Variants in TULP1 observed in about 807,000 individuals in gnomAD.
TULP1 encodes the protein TUB like protein 1.
A neutral mutation model predicts 67.1 loss-of-function variants in TULP1; 50 were observed. The observed-to-expected ratio is 0.75, with a 90% confidence interval of 0.59 to 0.94. The LOEUF (loss-of-function observed/expected upper bound fraction) is 0.94, where lower values mean the gene tolerates loss of function less well. Ranked by LOEUF, TULP1 falls within the 40% of genes least tolerant of loss-of-function variation. The pLI, the probability that TULP1 is intolerant of heterozygous loss-of-function variation, is 0.00. For missense variants in TULP1, 746 were observed against 734.1 expected, an observed-to-expected ratio of 1.02 and a Z score of -0.19; for synonymous variants, 297 against 294.0, an observed-to-expected ratio of 1.01 and a Z score of -0.11.
chr6:35,504,000 C>T lies in TULP1; in HGVS notation c.1113-152G>A. On this transcript the variant is annotated intron_variant, in intron 11 of 14. Coordinates refer to ENST00000229771, the MANE Select transcript of TULP1 (RefSeq NM_003322.6). This position sits in a 1 kb window ranked among gnomAD's most constrained non-coding sequence, Gnocchi z 4.0. The stretch of plus-strand genomic sequence containing the variant: ...TTCATGTCCCCTGCCCCAGGCTTCC[C>T]CCTATGCAGAGGTCTTTTTAAATGC... 1 of 622,828 alleles carries T rather than the reference C, an allele frequency of 1.6e-6. No individual in the cohort carries two copies. Among genetic ancestry groups the T allele is most frequent in the Admixed American group, 2.7e-5 (1 of 37,190 alleles). 38.6% of individuals were successfully genotyped at this position (622,828 alleles called of 1,614,324 possible). A position where few individuals can be genotyped will look rare whatever the true frequency, so the allele number is the denominator to read the frequency against.
At chr6:35,507,001 A>G (rs1220403130) in intron 8 of TULP1, among the ~76,000 whole-genome samples, 2 of 152,068 alleles carry the variant, frequency 1.3e-5, no homozygotes, top group African/African-American at 4.8e-5. Flanking sequence ...GCACCCAGTG[A>G]TCCTTGTCTC....
chr6:35,511,056 C>T (rs776209748), intron 4 of TULP1, 46 bp from the exon 5 acceptor site: 1 of 1,598,622 alleles, frequency 6.3e-7, no homozygotes, highest in Admixed American at 1.7e-5. Context: ...CCGGGCCCTC[C>T]TTATCTGGGG....
chr6:35,510,682 T>G, intron 5 of TULP1, 179 bp downstream of exon 5: 2 of 1,400,738 alleles, frequency 1.4e-6, no homozygotes, highest in Non-Finnish European at 9.6e-7. Context: ...TGGAGGCATA[T>G]ATTGGTCTAT....
chr6:35,500,188 A>G, intron 13 of TULP1, 36 bp from the exon 14 acceptor site: 1 of 1,611,604 alleles, frequency 6.2e-7, no homozygotes, highest in Non-Finnish European at 8.5e-7. Context: ...GGGAGAGGAC[A>G]GTTAGAGATG....
chr6:35,502,655 C>T (rs780207187), intron 13 of TULP1, among the ~76,000 whole-genome samples: 4 of 151,342 alleles, frequency 2.6e-5, no homozygotes, highest in East Asian at 1.9e-4. Context: ...CCCACTGCCA[C>T]GCCCGGCTAA....
At position 35,498,667 on chromosome 6, in the gene TULP1, G is replaced by T. The variant is rs1337519378; in HGVS notation, c.1496-207C>A. Among the ~76,000 whole-genome samples, 3 of 152,188 alleles carry T rather than the reference G, an allele frequency of 2.0e-5. No homozygotes were observed. The highest frequency in any genetic ancestry group is 6.5e-5 in the Admixed American group (1 of 15,290). ...CTTTGCAGTCACACTATAATCTCCT[G>T]GGGGCAGGGACCTTGCCTTTCTGCT... On this transcript the variant is annotated intron_variant, in intron 14 of 14. Coordinates refer to ENST00000229771, the MANE Select transcript of TULP1 (RefSeq NM_003322.6). This position sits in a 1 kb window ranked among gnomAD's most constrained non-coding sequence, Gnocchi z 6.7.
chr6:35,497,997 G>A lies in TULP1; in HGVS notation c.*330C>T. 2.1e-6 allele frequency: 1 copy of A among 481,662 alleles called. No individual in the cohort carries two copies. The highest frequency in any genetic ancestry group is 1.9e-5 in the African/African-American group (1 of 51,484). 29.8% of individuals were successfully genotyped at this position (481,662 alleles called of 1,614,324 possible). On this transcript the variant is annotated 3_prime_UTR_variant, in exon 15 of 15. Coordinates refer to ENST00000229771, the MANE Select transcript of TULP1 (RefSeq NM_003322.6). ...TAGCGCGGTCCCGGGGAGAGGGGAG[G>A]TTAAAACAACAATGACTACTGCTCC...
chr6:35,509,078 C>T (rs1180992647), intron 8 of TULP1, 131 bp downstream of exon 8: 12 of 824,718 alleles, frequency 1.5e-5, no homozygotes, highest in Non-Finnish European at 2.3e-5. Flanking sequence ...TCCTTATATC[C>T]TGTCACAAGA....
rs1768765950 is a variant in TULP1 at position 35,498,827 on chromosome 6, G to A, written c.1496-367C>T. ...AGTCTTTCCTCCTATCCCCAGCCAC[G>A]AAGTCCCACCTTAGACCCCAGCTCC... is the stretch of plus-strand genomic sequence containing the variant. On this transcript the variant is annotated intron_variant, in intron 14 of 14. Transcript: ENST00000229771. This position sits in a 1 kb window ranked among gnomAD's most constrained non-coding sequence, Gnocchi z 6.7. Among the ~76,000 whole-genome samples, 1 of 151,954 alleles carries A rather than the reference G, an allele frequency of 6.6e-6. No individual in the cohort carries two copies. Among genetic ancestry groups the A allele is most frequent in the African/African-American group, 2.4e-5 (1 of 41,376 alleles).
At chr6:35,511,576 TC>T in intron 4 of TULP1, 71 bp downstream of exon 4, 1 of 1,553,174 alleles carries the variant, frequency 6.4e-7, no homozygotes, top group African/African-American at 1.4e-5. Context: ...TCTGGGCCGT[TC>T]CCGTCCAGCC....
intron 3 of TULP1, 45 bp from the exon 4 acceptor site, chr6:35,511,851 C>T (rs1413552965): frequency 2.7e-6 from 4 of 1,483,490 alleles, no homozygotes; most frequent in Non-Finnish European, 3.6e-6. Flanking sequence ...TCCGCGGGTC[C>T]GCGAGGCAGC....
At position 35,506,870 on chromosome 6, in the gene TULP1, G is replaced by T. The variant is rs146739319; in HGVS notation, c.823-591C>A. Among the ~76,000 whole-genome samples, 302 of 152,232 alleles carry T rather than the reference G, an allele frequency of 2.0e-3. 1 individual carries two copies. In the Middle Eastern group the frequency reaches 0.02, roughly 10 times the overall value. ...GCACACTGTCTCAGGCAGTGAAGTG[G>T]GGCTAACAGAATGGACTGCTGTGTT... On this transcript the variant is annotated intron_variant, in intron 8 of 14. Transcript: ENST00000229771.
In TULP1 at chr6:35,500,142, C is replaced by T. The variant is rs749502078; in HGVS notation, c.1334G>A (p.Gly445Asp). ...VPIRPRNASD[G>D]LLVRWQNKTL... ...CTTGTTCTGCCAGCGCACCAGCAGGCCGTCACTAGCCTGGGGTGCCCCAGG... is the reference window on the plus strand; with the variant it reads ...CTTGTTCTGCCAGCGCACCAGCAGGTCGTCACTAGCCTGGGGTGCCCCAGG... The change falls in exon 14 of 15, where the codon GGC becomes GAC. Residue 445 changes from glycine to aspartate, a missense_variant. Transcript: ENST00000229771. The T allele has an allele frequency of 1.2e-6, 2 of 1,614,032 alleles. No homozygotes were observed. The highest frequency in any genetic ancestry group is 1.7e-6 in the Non-Finnish European group (2 of 1,180,024).
intron 2 of TULP1, 38 bp from the exon 3 acceptor site, chr6:35,512,308 A>T: frequency 9.1e-7 from 1 of 1,097,182 alleles, no homozygotes. Context: ...GAGGAAGGAA[A>T]GGGGGGCGCT....
intron 13 of TULP1, among the ~76,000 whole-genome samples, chr6:35,501,540 A>AATCATGGCAAAACC (rs1760960679): frequency 6.8e-6 from 1 of 147,752 alleles, no homozygotes; most frequent in African/African-American, 2.5e-5. Flanking sequence ...GGCTGGGCAC[A>AATCATGGCAAAACC]GTGGCTCAGG....
Position 35,498,213 on chromosome 6 carries a change from C to A in TULP1, c.*114G>T. ...TCACCGAGAGGCAGTGAGAGGTCAG[C>A]CCCGACACAGGAGCAGTTTTCCGCG... On this transcript the variant is annotated 3_prime_UTR_variant, in exon 15 of 15. Coordinates refer to ENST00000229771, the MANE Select transcript of TULP1 (RefSeq NM_003322.6). The surrounding 1 kb of genome is among the most constrained non-coding windows in gnomAD (Gnocchi z 6.7). 6.7e-7 allele frequency: 1 copy of A among 1,495,912 alleles called. No individual in the cohort carries two copies. Among genetic ancestry groups the A allele is most frequent in the Non-Finnish European group, 9.0e-7 (1 of 1,116,324 alleles). 92.7% of individuals were successfully genotyped at this position (1,495,912 alleles called of 1,614,324 possible).
At chr6:35,511,872 G>A (rs1322054005) in intron 3 of TULP1, 66 bp from the exon 4 acceptor site, 6 of 1,462,192 alleles carry the variant, frequency 4.1e-6, no homozygotes, top group Non-Finnish European at 4.5e-6. Context: ...GCCTCTACCC[G>A]CTACCCCCAA....
At chr6:35,511,286 G>C (rs1019106541) in intron 4 of TULP1, among the ~76,000 whole-genome samples, 4 of 152,034 alleles carry the variant, frequency 2.6e-5, no homozygotes, top group African/African-American at 9.7e-5. Flanking sequence ...CTCCTTACAC[G>C]CTCGCCTTGC....
chr6:35,507,862 T>C (rs959352214), intron 8 of TULP1, among the ~76,000 whole-genome samples: 1 of 152,210 alleles, frequency 6.6e-6, no homozygotes, highest in African/African-American at 2.4e-5. Context: ...TTGCCCAGGC[T>C]GGAATGCAGT....
Sources: allele counts gnomAD v4.1 joint callset (sites outside exome capture counted in the v4.1 genomes callset), GRCh38; gene constraint gnomAD v4.1.1; non-coding constraint Gnocchi (gnomAD v3.1); transcripts MANE v1.5; gene names NCBI Gene and HGNC (gene_info 2026-07-23, HGNC 2026-07-21).